Variants in CACNA1A observed in about 807,000 individuals in gnomAD.
CACNA1A encodes the protein calcium voltage-gated channel subunit alpha1 A.
In CACNA1A, 57 loss-of-function variants were observed where a neutral mutation model predicts 262.4. The ratio of observed to expected loss-of-function variants is 0.22; its 90% CI spans 0.18 to 0.27. The LOEUF (loss-of-function observed/expected upper bound fraction) is 0.27. CACNA1A is among the 10% of genes least tolerant of loss of function. CACNA1A has a pLI of 1.00. For synonymous variants in CACNA1A, 1,431 were observed against 1,419.3 expected (o/e 1.01, Z -0.18); for missense variants, 2,526 against 3,562.8 (o/e 0.71, Z 7.41).
chr19:13,475,770 G>A (rs1392034132), intron 1 of CACNA1A, among the ~76,000 whole-genome samples: 2 of 152,160 alleles, frequency 1.3e-5, no homozygotes, highest in African/African-American at 4.8e-5. Context: ...CATCAATGGA[G>A]GCAGGGGGCA....
At chr19:13,478,217 AG>A (rs1978801237) in intron 1 of CACNA1A, among the ~76,000 whole-genome samples, 5 of 152,226 alleles carry the variant, frequency 3.3e-5, no homozygotes, top group Admixed American at 3.3e-4. Flanking sequence ...ATGTTATGAA[AG>A]AAATGGGGTG....
intron 15 of CACNA1A, chr19:13,306,728 A>G (rs1171058757): frequency 6.6e-6 from 1 of 152,176 alleles, no homozygotes; most frequent in East Asian, 1.9e-4. Context: ...ACCTGCCCTA[A>G]TCACCCCAAG....
chr19:13,251,374 T>C (rs2056391474), intron 30 of CACNA1A, among the ~76,000 whole-genome samples: 1 of 151,898 alleles, frequency 6.6e-6, no homozygotes, highest in Non-Finnish European at 1.5e-5. Context: ...TCCCAGCTAC[T>C]CGGGAGGCTG....
At position 13,207,620 on chromosome 19, in the gene CACNA1A, CG is replaced by C; in HGVS notation, c.7213del (p.Arg2405GlyfsTer203). On this transcript the variant is annotated frameshift_variant, in exon 47 of 47. Transcript: ENST00000360228. LOFTEE classifies it high-confidence loss of function. This position sits in a 1 kb window ranked among gnomAD's most constrained non-coding sequence, Gnocchi z 5.7. ...PHVSEGPPGP[R>X]HHGYYRGSDY... ...GGAGCCCCGGTAGTAGCCATGGTGC[CG>C]GGGACCCGGGGGCCCCTCGGACACG... The C allele has an allele frequency of 6.1e-6, 9 of 1,479,090 alleles. No individual in the cohort carries two copies. The highest frequency in any genetic ancestry group is 2.9e-5 in the East Asian group (1 of 33,920). The allele number at this position is 1,479,090 out of a possible 1,614,324, so 91.6% of individuals were successfully genotyped here. A position where few individuals can be genotyped will look rare whatever the true frequency, so the allele number is the denominator to read the frequency against.
chr19:13,506,295 C>T lies in CACNA1A; in HGVS notation c.-71G>A. On this transcript the variant is annotated 5_prime_UTR_variant, in exon 1 of 47. Transcript: ENST00000360228. The stretch of plus-strand genomic sequence containing the variant: ...CGGAAGACGCCGCCGCCGCCGCCGC[C>T]GCCGCTGATGCTGAGGCTGCCGGGG... 2 of 1,322,434 alleles carry T rather than the reference C, an allele frequency of 1.5e-6. No individual in the cohort carries two copies. The highest frequency in any genetic ancestry group is 9.8e-7 in the Non-Finnish European group (1 of 1,024,954). 81.9% of individuals were successfully genotyped at this position (1,322,434 alleles called of 1,614,324 possible). A position where few individuals can be genotyped will look rare whatever the true frequency, so the allele number is the denominator to read the frequency against.
intron 19 of CACNA1A, among the ~76,000 whole-genome samples, chr19:13,291,695 T>C (rs558192598): frequency 1.3e-5 from 2 of 151,318 alleles, no homozygotes; most frequent in South Asian, 4.2e-4. Flanking sequence ...TTGTTCCAGT[T>C]ACTTGGGAGG....
At chr19:13,267,282 C>A (rs549386476) in intron 24 of CACNA1A, among the ~76,000 whole-genome samples, 1 of 152,338 alleles carries the variant, frequency 6.6e-6, no homozygotes, top group African/African-American at 2.4e-5. Flanking sequence ...ACACGCACCC[C>A]TGAGCACCCC....
chr19:13,300,362 A>G (rs2057763052), intron 18 of CACNA1A, among the ~76,000 whole-genome samples, 188 bp downstream of exon 18: 1 of 152,172 alleles, frequency 6.6e-6, no homozygotes, highest in Non-Finnish European at 1.5e-5. Context: ...AGAAGTTAGA[A>G]CAGTGCTGGG....
At chr19:13,276,437 T>C (rs1318137449) in intron 23 of CACNA1A, among the ~76,000 whole-genome samples, 14 of 152,146 alleles carry the variant, frequency 9.2e-5, no homozygotes, top group Non-Finnish European at 1.8e-4. Flanking sequence ...AAGTCCCTCC[T>C]CTGCTCAGAA....
chr19:13,307,722 A>G (rs746351987), intron 15 of CACNA1A, 60 bp downstream of exon 15: 17 of 1,403,912 alleles, frequency 1.2e-5, no homozygotes, highest in Non-Finnish European at 1.6e-5. Context: ...GATGTGGAGC[A>G]GGCACTTTCA....
chr19:13,291,833 G>A (rs2057546333), intron 19 of CACNA1A, among the ~76,000 whole-genome samples: 4 of 151,742 alleles, frequency 2.6e-5, no homozygotes, highest in African/African-American at 9.7e-5. Flanking sequence ...TGGGCCCATT[G>A]GGGGTACCGT....
rs1188345634 is a variant in CACNA1A, at chr19:13,303,691, C to T, written c.2104+76G>A. 1.9e-6 allele frequency: 3 copies of T among 1,560,246 alleles called. No homozygotes were observed. The South Asian group carries it at 3.3e-5, about 17-fold the overall frequency. On this transcript the variant is annotated intron_variant, in intron 16 of 46. Coordinates refer to ENST00000360228, the MANE Select transcript of CACNA1A (RefSeq NM_001127222.2). ...CCTGGGTATCTGGGTCTCTCAGTACCCTCCCTTGAGCCCCTGCAACCTCTC... is the reference window on the plus strand; with the variant it reads ...CCTGGGTATCTGGGTCTCTCAGTACTCTCCCTTGAGCCCCTGCAACCTCTC...
intron 10 of CACNA1A, among the ~76,000 whole-genome samples, chr19:13,318,888 A>ATTTTTTTTTTTTTTTTTTTTT (rs1600317762): frequency 1.2e-4 from 11 of 94,656 alleles, no homozygotes; most frequent in East Asian, 6.7e-4. Context: ...TCTAAAATAC[A>ATTTTTTTTTTTTTTTTTTTTT]TCTTTTTTTT....
intron 35 of CACNA1A, among the ~76,000 whole-genome samples, chr19:13,231,460 G>A (rs1482740209): frequency 6.6e-6 from 1 of 152,108 alleles, no homozygotes; most frequent in Non-Finnish European, 1.5e-5. Context: ...CCAGCATCTG[G>A]TGGGGGGAGG....
Position 13,212,780 on chromosome 19 carries a change from G to T in CACNA1A, c.5941-40C>A. The T allele has an allele frequency of 9.1e-7, 1 of 1,092,974 alleles. No individual in the cohort carries two copies. The highest frequency in any genetic ancestry group is 1.3e-6 in the Non-Finnish European group (1 of 772,986). 67.7% of individuals were successfully genotyped at this position (1,092,974 alleles called of 1,614,324 possible). ...AGAGAGCAGTGTGTGGACAAGGGTG[G>T]GGTGGTGGGACGGTGGTACCCAGAA... On this transcript the variant is annotated intron_variant, in intron 40 of 46. Transcript: ENST00000360228. The surrounding 1 kb of genome is among the most constrained non-coding windows in gnomAD (Gnocchi z 5.6).
At chr19:13,287,200 A>C (rs2057422722) in intron 19 of CACNA1A, among the ~76,000 whole-genome samples, 1 of 152,098 alleles carries the variant, frequency 6.6e-6, no homozygotes, top group African/African-American at 2.4e-5. Flanking sequence ...AAAAATGTGT[A>C]AATTGACGGG....
intron 37 of CACNA1A, 35 bp from the exon 38 acceptor site, chr19:13,224,807 A>G: frequency 6.6e-7 from 1 of 1,517,536 alleles, no homozygotes; most frequent in Non-Finnish European, 9.0e-7. Flanking sequence ...AGTCATTCCC[A>G]GGCATCCCTC....
intron 3 of CACNA1A, among the ~76,000 whole-genome samples, chr19:13,428,582 G>A (rs1489649678): frequency 1.3e-5 from 2 of 152,072 alleles, no homozygotes; most frequent in East Asian, 1.9e-4. Flanking sequence ...TCATCTCCTC[G>A]CATCCTCAAA....
At chr19:13,255,894 TTTC>T (rs1373151959) in intron 28 of CACNA1A, among the ~76,000 whole-genome samples, 1 of 132,324 alleles carries the variant, frequency 7.6e-6, no homozygotes, top group African/African-American at 3.4e-5. Context: ...CTTCGCTCCC[TTTC>T]TTTCTTCTTC....
Sources: allele counts gnomAD v4.1 joint callset (sites outside exome capture counted in the v4.1 genomes callset), GRCh38; gene constraint gnomAD v4.1.1; non-coding constraint Gnocchi (gnomAD v3.1); transcripts MANE v1.5; gene names NCBI Gene and HGNC (gene_info 2026-07-23, HGNC 2026-07-21).